Variants in WWC2 observed in about 807,000 individuals in gnomAD.
WWC2 encodes the protein protein WWC2.
WWC2 carries 101 observed loss-of-function variants against 138.5 expected under a neutral mutation model. The ratio of observed to expected loss-of-function variants is 0.73; its 90% confidence interval spans 0.62 to 0.86. The LOEUF is 0.86. WWC2 is among the 40% of genes least tolerant of loss of function. The pLI is 0.00. For missense variants in WWC2, 1,420 were observed against 1,419.4 expected (o/e 1.00, Z -0.01); for synonymous variants, 558 against 538.4 (o/e 1.04, Z -0.50).
intron 5 of WWC2, among the ~76,000 whole-genome samples, chr4:183,241,465 C>T (rs1397667501): frequency 1.3e-5 from 2 of 152,226 alleles, no homozygotes; most frequent in Admixed American, 6.5e-5. Flanking sequence ...TAATTTCACA[C>T]GTGCTGTTAT....
At chr4:183,263,440 T>C (rs1165851851) in intron 11 of WWC2, among the ~76,000 whole-genome samples, 1 of 152,220 alleles carries the variant, frequency 6.6e-6, no homozygotes, top group Non-Finnish European at 1.5e-5. Context: ...CTGAAAAGTT[T>C]GTGGATGGAG....
intron 1 of WWC2, among the ~76,000 whole-genome samples, chr4:183,119,699 A>G (rs1732538917): frequency 1.3e-5 from 2 of 152,240 alleles, no homozygotes; most frequent in Admixed American, 1.3e-4. Context: ...AAACACAGAT[A>G]TAACTTAGGA....
intron 1 of WWC2, among the ~76,000 whole-genome samples, chr4:183,111,545 C>T (rs1453582539): frequency 6.6e-6 from 1 of 151,960 alleles, no homozygotes; most frequent in Non-Finnish European, 1.5e-5. Flanking sequence ...CTGCTTTGTA[C>T]ATAGTATCAC....
intron 4 of WWC2, among the ~76,000 whole-genome samples, chr4:183,220,416 T>C (rs1471980900): frequency 6.6e-6 from 1 of 152,120 alleles, no homozygotes; most frequent in Non-Finnish European, 1.5e-5. Context: ...TCTACTTTTC[T>C]TGGATAATAG....
intron 21 of WWC2, among the ~76,000 whole-genome samples, chr4:183,302,547 A>G (rs1283241265): frequency 6.8e-6 from 1 of 146,706 alleles, no homozygotes; most frequent in Non-Finnish European, 1.5e-5. Flanking sequence ...CAGGTACAGT[A>G]AGAGGCAGCT....
At chr4:183,235,758 A>G (rs1418813325) in intron 4 of WWC2, among the ~76,000 whole-genome samples, 3 of 152,220 alleles carry the variant, frequency 2.0e-5, no homozygotes, top group Non-Finnish European at 2.9e-5. Context: ...GAGTATTTCT[A>G]TATCTTGGCT....
At chr4:183,310,602 G>T (rs555971642) in intron 21 of WWC2, among the ~76,000 whole-genome samples, 83 of 151,868 alleles carry the variant, frequency 5.5e-4, no homozygotes, top group African/African-American at 1.8e-3. Context: ...CCAGGCTCAA[G>T]TGATCCTTTC....
intron 1 of WWC2, among the ~76,000 whole-genome samples, chr4:183,176,411 A>AT (rs956134543): frequency 1.3e-5 from 2 of 151,654 alleles, no homozygotes; most frequent in African/African-American, 2.4e-5. Context: ...GAATAAGGAG[A>AT]TTTTTTATTT....
intron 4 of WWC2, among the ~76,000 whole-genome samples, chr4:183,225,041 C>T (rs1736033621): frequency 6.6e-6 from 1 of 151,512 alleles, no homozygotes; most frequent in Non-Finnish European, 1.5e-5. Flanking sequence ...TTTTCTTTTA[C>T]TCTGGCCTGA....
intron 21 of WWC2, among the ~76,000 whole-genome samples, chr4:183,293,833 A>G (rs915264017): frequency 6.6e-5 from 10 of 152,200 alleles, no homozygotes; most frequent in Non-Finnish European, 2.9e-5. Flanking sequence ...AGTATCAAAG[A>G]ATATCAAATA....
chr4:183,127,159 GAA>G (rs1732784911), intron 1 of WWC2, among the ~76,000 whole-genome samples: 1 of 152,046 alleles, frequency 6.6e-6, no homozygotes, highest in African/African-American at 2.4e-5. Flanking sequence ...TAAATAATAA[GAA>G]AATATATTTC....
intron 1 of WWC2, among the ~76,000 whole-genome samples, chr4:183,134,936 T>A (rs542937520): frequency 3.2e-4 from 49 of 151,296 alleles, no homozygotes; most frequent in African/African-American, 1.1e-3. Context: ...ATCTTTATTT[T>A]TTTTTTTTTA....
At chr4:183,169,295 G>A (rs561000994) in intron 1 of WWC2, among the ~76,000 whole-genome samples, 131 of 152,296 alleles carry the variant, frequency 8.6e-4, no homozygotes, top group African/African-American at 2.7e-3. Context: ...AATTTTACGT[G>A]TTGCTATAAA....
At chr4:183,301,220 T>C (rs908271244) in intron 21 of WWC2, among the ~76,000 whole-genome samples, 6 of 152,066 alleles carry the variant, frequency 3.9e-5, no homozygotes, top group African/African-American at 1.5e-4. Context: ...CAACAGTTCC[T>C]TATCTGGGAC....
intron 2 of WWC2, among the ~76,000 whole-genome samples, chr4:183,202,722 ACT>A (rs960127099): frequency 6.6e-6 from 1 of 151,902 alleles, no homozygotes; most frequent in African/African-American, 2.4e-5. Context: ...GTTACAGCTG[ACT>A]CTATCCCATT....
intron 1 of WWC2, among the ~76,000 whole-genome samples, chr4:183,144,013 G>A (rs1369532404): frequency 2.0e-5 from 3 of 152,152 alleles, no homozygotes; most frequent in African/African-American, 4.8e-5. Context: ...TAGTGAATAT[G>A]AAATTAAGAT....
rs533104623 is a variant in WWC2 at position 183,133,709 on chromosome 4, C to A, written c.131+34087C>A. Among the ~76,000 whole-genome samples, 38 of 152,222 alleles carry A rather than the reference C, an allele frequency of 2.5e-4. 1 individual carries two copies. The highest frequency in any genetic ancestry group is 1.0e-3 in the South Asian group (5 of 4,820). ...ACGGGGTTTCACCGTGTTGGCCAGG[C>A]TGGTCTTGAACTCCTCACCTCGTGA... On this transcript the variant is annotated intron_variant, in intron 1 of 22. Coordinates refer to ENST00000403733, the MANE Select transcript of WWC2 (RefSeq NM_024949.6).
chr4:183,238,595 T>C (rs1736507148), intron 4 of WWC2, among the ~76,000 whole-genome samples: 1 of 152,120 alleles, frequency 6.6e-6, no homozygotes, highest in Admixed American at 6.5e-5. Context: ...TTCCAGAGGT[T>C]TGCTGAATAC....
intron 1 of WWC2, among the ~76,000 whole-genome samples, chr4:183,117,770 C>G (rs1041770045): frequency 6.6e-6 from 1 of 150,632 alleles, no homozygotes; most frequent in Admixed American, 6.6e-5. Flanking sequence ...ATGCCCAGCC[C>G]GCAGACCTTG....
Sources: gnomAD v4.1 joint callset for allele counts (sites outside exome capture counted in the v4.1 genomes callset) on GRCh38, gnomAD v4.1.1 for gene constraint, MANE v1.5 for transcripts, NCBI Gene and HGNC (gene_info 2026-07-23, HGNC 2026-07-21) for gene names.